The following SLC16A10 variants were observed in gnomAD, a reference collection of about 807,000 sequenced individuals.
SLC16A10 encodes solute carrier family 16 member 10, also known as monocarboxylate transporter 10.
A neutral mutation model predicts 40.0 loss-of-function variants in SLC16A10; 27 were observed. The observed-to-expected ratio is 0.67, with a 90% CI of 0.50 to 0.93. The LOEUF is 0.93. SLC16A10 is among the 40% of genes least tolerant of loss of function. The probability of loss-of-function intolerance (pLI) is 0.00; values close to 1 mark genes in which losing one functional copy is unlikely to be tolerated. For missense variants in SLC16A10, 529 were observed against 658.2 expected, an observed-to-expected ratio of 0.80 and a Z score of 2.15; for synonymous variants, 213 against 249.8, an observed-to-expected ratio of 0.85 and a Z score of 1.39.
intron 1 of SLC16A10, among the ~76,000 whole-genome samples, chr6:111,091,856 G>A (rs184396819): frequency 2.6e-5 from 4 of 152,174 alleles, no homozygotes; most frequent in East Asian, 1.9e-4. Context: ...TATCTAACAC[G>A]CTTTGTTTTG....
rs141214445 is a variant in SLC16A10, at chr6:111,090,097, A to T, written c.343+2002A>T. On this transcript the variant is annotated intron_variant, in intron 1 of 5. Coordinates refer to ENST00000368851, the MANE Select transcript of SLC16A10 (RefSeq NM_018593.5). ...TGGGTAGCTGAGAGTGAGGGAAGGA[A>T]CCTGGTTTTTCTTTTGCACTCTGTG... Among the ~76,000 whole-genome samples, 737 of 150,436 alleles carry T rather than the reference A, an allele frequency of 4.9e-3. 1 individual carries two copies. The highest frequency in any genetic ancestry group is 7.0e-3 in the Non-Finnish European group (471 of 67,660).
intron 1 of SLC16A10, among the ~76,000 whole-genome samples, chr6:111,133,789 A>G (rs571627101): frequency 3.9e-5 from 6 of 152,306 alleles, no homozygotes; most frequent in African/African-American, 1.4e-4. Context: ...ACAAAGGAGT[A>G]AACAATGAAC....
intron 1 of SLC16A10, among the ~76,000 whole-genome samples, chr6:111,166,751 T>C (rs1583339316): frequency 6.6e-6 from 1 of 152,258 alleles, no homozygotes; most frequent in African/African-American, 2.4e-5. Context: ...ATATTAAACC[T>C]AACCACTTTG....
At chr6:111,110,440 T>C (rs1360602799) in intron 1 of SLC16A10, among the ~76,000 whole-genome samples, 1 of 151,602 alleles carries the variant, frequency 6.6e-6, no homozygotes, top group Non-Finnish European at 1.5e-5. Flanking sequence ...AAAGGTCTAA[T>C]TGATGGGGTA....
chr6:111,097,687 T>C (rs1264334249), intron 1 of SLC16A10, among the ~76,000 whole-genome samples: 2 of 152,172 alleles, frequency 1.3e-5, no homozygotes. Flanking sequence ...AATTATAATA[T>C]TGAATGTGTG....
intron 1 of SLC16A10, among the ~76,000 whole-genome samples, chr6:111,121,016 T>A (rs1051834526): frequency 1.6e-4 from 24 of 152,174 alleles, no homozygotes; most frequent in African/African-American, 5.1e-4. Context: ...TAGAAAAAAA[T>A]ATATATTTTT....
At chr6:111,105,716 G>A (rs1771273548) in intron 1 of SLC16A10, among the ~76,000 whole-genome samples, 1 of 152,218 alleles carries the variant, frequency 6.6e-6, no homozygotes, top group Admixed American at 6.5e-5. Context: ...TGTTGTGAGT[G>A]AGCAGGTTGG....
chr6:111,182,346 T>C (rs1168046915), intron 3 of SLC16A10, among the ~76,000 whole-genome samples: 2 of 122,018 alleles, frequency 1.6e-5, no homozygotes, highest in African/African-American at 3.0e-5. Context: ...TTTTAACGGC[T>C]CCTCTGACTC....
At chr6:111,103,760 T>C (rs1469540568) in intron 1 of SLC16A10, among the ~76,000 whole-genome samples, 2 of 152,086 alleles carry the variant, frequency 1.3e-5, no homozygotes, top group Non-Finnish European at 2.9e-5. Flanking sequence ...TGTTACGAGA[T>C]TGGGAGACTT....
chr6:111,218,445 G>T (rs1770822343), intron 4 of SLC16A10, among the ~76,000 whole-genome samples: 1 of 152,098 alleles, frequency 6.6e-6, no homozygotes, highest in African/African-American at 2.4e-5. Flanking sequence ...TGGACTTTGT[G>T]GTGCTTGCCT....
At chr6:111,215,661 A>G (rs1773410218) in intron 4 of SLC16A10, among the ~76,000 whole-genome samples, 1 of 152,172 alleles carries the variant, frequency 6.6e-6, no homozygotes, top group African/African-American at 2.4e-5. Flanking sequence ...GTAACTTTCC[A>G]TGTTTATCTC....
chr6:111,180,513 C>T (rs1345083591), intron 3 of SLC16A10, among the ~76,000 whole-genome samples: 1 of 152,202 alleles, frequency 6.6e-6, no homozygotes, highest in Non-Finnish European at 1.5e-5. Flanking sequence ...GGTGCGACTG[C>T]ACTCCAGCCT....
intron 1 of SLC16A10, among the ~76,000 whole-genome samples, chr6:111,089,354 A>G (rs867886255): frequency 3.3e-5 from 5 of 152,124 alleles, no homozygotes; most frequent in African/African-American, 4.8e-5. Flanking sequence ...TGATAACTCA[A>G]ATTCTTTCCA....
intron 1 of SLC16A10, among the ~76,000 whole-genome samples, chr6:111,155,342 C>T (rs1772251223): frequency 6.6e-6 from 1 of 151,740 alleles, no homozygotes; most frequent in Admixed American, 6.6e-5. Flanking sequence ...GCCACCGTGA[C>T]TGGCTAATTT....
At chr6:111,113,865 T>C (rs1329416984) in intron 1 of SLC16A10, among the ~76,000 whole-genome samples, 1 of 152,174 alleles carries the variant, frequency 6.6e-6, no homozygotes, top group Non-Finnish European at 1.5e-5. Flanking sequence ...TCAGCCAACC[T>C]TGAGTGAGTA....
chr6:111,091,439 T>G (rs193123274), intron 1 of SLC16A10: 1 of 152,352 alleles, frequency 6.6e-6, no homozygotes, highest in Non-Finnish European at 1.5e-5. Flanking sequence ...ATTGGTTGAG[T>G]GCTCTACCAT....
At chr6:111,221,904 G>A in intron 5 of SLC16A10, 99 bp from the exon 6 acceptor site, 7 of 983,776 alleles carry the variant, frequency 7.1e-6, no homozygotes, top group South Asian at 5.8e-5. Context: ...AAAAAAAAAA[G>A]TCTGATGTCT....
At chr6:111,178,363 G>A (rs753656666) in intron 3 of SLC16A10, 10 of 531,390 alleles carry the variant, frequency 1.9e-5, no homozygotes, top group South Asian at 1.4e-4. Context: ...AGGATTTCAA[G>A]TGCTCAAGAA....
intron 1 of SLC16A10, among the ~76,000 whole-genome samples, chr6:111,129,872 A>G: frequency 6.6e-6 from 1 of 152,232 alleles, no homozygotes; most frequent in East Asian, 1.9e-4. Context: ...TCTCCCTCAT[A>G]AAATAAGTAA....
Sources: gnomAD v4.1 joint callset for allele counts (sites outside exome capture counted in the v4.1 genomes callset) on GRCh38, gnomAD v4.1.1 for gene constraint, MANE v1.5 for transcripts, NCBI Gene and HGNC (gene_info 2026-07-23, HGNC 2026-07-21) for gene names.